MLLT1: variants seen among roughly 807,000 people sequenced by gnomAD.
The protein encoded by MLLT1 is protein ENL.
In MLLT1, 11 loss-of-function variants were observed where a neutral mutation model predicts 55.1. That is an observed-to-expected ratio of 0.20 (90% CI 0.13 to 0.33). The LOEUF is 0.33. Among genes scored for constraint, MLLT1 ranks in the 10% least tolerant of loss-of-function variants. The pLI is 1.00. For missense variants in MLLT1, 536 were observed against 760.6 expected (o/e 0.70, Z 3.47); for synonymous variants, 323 against 320.1 (o/e 1.01, Z -0.10).
chr19:6,212,536 G>A lies in MLLT1; in HGVS notation c.*506C>T, dbSNP rs924064359. 31 of 1,079,662 alleles carry A rather than the reference G, an allele frequency of 2.9e-5. No individual in the cohort carries two copies. The East Asian group carries it at 3.9e-4, about 14-fold the overall frequency. The allele number at this position is 1,079,662 out of a possible 1,614,324, so 66.9% of individuals were successfully genotyped here. A position where few individuals can be genotyped will look rare whatever the true frequency, so the allele number is the denominator to read the frequency against. On this transcript the variant is annotated 3_prime_UTR_variant, in exon 12 of 12. Coordinates refer to ENST00000252674, the MANE Select transcript of MLLT1 (RefSeq NM_005934.4). ...CACAGACCCCAGCGCAGCGCGAGCCGGGGAGGAGCCGGCGCTAGGTCTACA... is the reference window on the plus strand; with the variant it reads ...CACAGACCCCAGCGCAGCGCGAGCCAGGGAGGAGCCGGCGCTAGGTCTACA...
At chr19:6,214,091 C>G (rs2090812429) in intron 8 of MLLT1, 53 bp from the exon 9 acceptor site, 2 of 1,181,148 alleles carry the variant, frequency 1.7e-6, no homozygotes, top group Non-Finnish European at 2.2e-6. Context: ...ACGGCCCCCA[C>G]CCCACCCCCA....
In MLLT1 at chr19:6,211,903, C is replaced by T. The variant is rs999250648; in HGVS notation, c.*1139G>A. On this transcript the variant is annotated 3_prime_UTR_variant, in exon 12 of 12. Transcript: ENST00000252674. This position sits in a 1 kb window ranked among gnomAD's most constrained non-coding sequence, Gnocchi z 4.6. ...TGAATTGCGGCGGTGGAGGCCGGGG[C>T]GGGCCAGGCCGCGACCAGAGAGAAA... The T allele has an allele frequency of 1.9e-6, 2 of 1,064,406 alleles. No homozygotes were observed. Among genetic ancestry groups the T allele is most frequent in the Non-Finnish European group, 2.3e-6 (2 of 878,706 alleles). 65.9% of individuals were successfully genotyped at this position (1,064,406 alleles called of 1,614,324 possible).
chr19:6,272,592 T>G (rs1397420670), intron 1 of MLLT1, among the ~76,000 whole-genome samples: 6 of 152,220 alleles, frequency 3.9e-5, no homozygotes, highest in Admixed American at 3.3e-4. Context: ...CCCCCGCTCC[T>G]GGGTTGCTGA....
At chr19:6,243,801 TG>T (rs774449226) in intron 3 of MLLT1, among the ~76,000 whole-genome samples, 7 of 152,012 alleles carry the variant, frequency 4.6e-5, no homozygotes, top group Non-Finnish European at 7.4e-5. Flanking sequence ...CCCAGCACTT[TG>T]GGAGACCGAG....
chr19:6,220,642 G>A (rs1053659237), intron 6 of MLLT1, among the ~76,000 whole-genome samples: 17 of 152,222 alleles, frequency 1.1e-4, no homozygotes, highest in African/African-American at 4.1e-4. Context: ...CTGCCTTGCC[G>A]CTGCCCAGCG....
intron 3 of MLLT1, among the ~76,000 whole-genome samples, chr19:6,248,546 GTCT>G (rs2091187763): frequency 6.6e-6 from 1 of 152,192 alleles, no homozygotes; most frequent in Admixed American, 6.5e-5. Context: ...TACCTCTGTG[GTCT>G]TCTTATGGAA....
intron 3 of MLLT1, among the ~76,000 whole-genome samples, chr19:6,233,278 C>T (rs1484187982): frequency 4.6e-5 from 7 of 152,192 alleles, no homozygotes; most frequent in African/African-American, 1.2e-4. Context: ...CTCCTGCGGC[C>T]GCCCAGGAGT....
rs910521334 is a variant in MLLT1, at chr19:6,262,895, A to C, written c.194-585T>G. Among the ~76,000 whole-genome samples, 1 of 152,070 alleles carries C rather than the reference A, an allele frequency of 6.6e-6. No individual in the cohort carries two copies. Among genetic ancestry groups the C allele is most frequent in the Non-Finnish European group, 1.5e-5 (1 of 68,002 alleles). ...TTGACCCCAGAGATTAAAAAAGAAA[A>C]AAAAAAGGCCGGACACGGTGGCTCA... is the stretch of plus-strand genomic sequence containing the variant. On this transcript the variant is annotated intron_variant, in intron 2 of 11. Transcript: ENST00000252674. The surrounding 1 kb of genome is among the most constrained non-coding windows in gnomAD (Gnocchi z 4.4).
intron 8 of MLLT1, among the ~76,000 whole-genome samples, chr19:6,215,834 G>C (rs1453942174): frequency 6.6e-6 from 1 of 152,194 alleles, no homozygotes; most frequent in East Asian, 1.9e-4. Context: ...CGCTGGGTTG[G>C]AGGCCGAGCG....
Position 6,210,488 on chromosome 19 carries a change from G to A in MLLT1, c.*2554C>T, listed in dbSNP as rs1326911041. The stretch of plus-strand genomic sequence containing the variant: ...CAGGAAAGAAACAATCCTGTAACTC[G>A]TTACAAACACGATTCTCCTTATTCC... On this transcript the variant is annotated 3_prime_UTR_variant, in exon 12 of 12. Transcript: ENST00000252674. The surrounding 1 kb of genome is among the most constrained non-coding windows in gnomAD (Gnocchi z 4.6). The A allele has an allele frequency of 2.4e-5, 5 of 208,142 alleles. No homozygotes were observed. The highest frequency in any genetic ancestry group is 3.9e-5 in the Non-Finnish European group (4 of 102,030). The allele number at this position is 208,142 out of a possible 1,614,324, so 12.9% of individuals were successfully genotyped here. A position where few individuals can be genotyped will look rare whatever the true frequency, so the allele number is the denominator to read the frequency against.
At chr19:6,225,223 C>A (rs2090944130) in intron 5 of MLLT1, among the ~76,000 whole-genome samples, 1 of 152,324 alleles carries the variant, frequency 6.6e-6, no homozygotes, top group South Asian at 2.1e-4. Flanking sequence ...GAAGTGGGGA[C>A]AAAACCCCAG....
chr19:6,273,292 G>T lies in MLLT1; in HGVS notation c.13-2533C>A, dbSNP rs2091408897. On this transcript the variant is annotated intron_variant, in intron 1 of 11. Transcript: ENST00000252674. The surrounding 1 kb of genome is among the most constrained non-coding windows in gnomAD (Gnocchi z 4.3). ...GTGGCTGGAAAAAGGGGTGAACACA[G>T]CCCAAAGCCACAGAACTGACAGGAC... Among the ~76,000 whole-genome samples, 1 of 152,140 alleles carries T rather than the reference G, an allele frequency of 6.6e-6. No individual in the cohort carries two copies. The highest frequency in any genetic ancestry group is 1.5e-5 in the Non-Finnish European group (1 of 68,024).
rs2090773367 is a variant in MLLT1 at position 6,211,661 on chromosome 19, A to G, written c.*1381T>C. ...GGCACAAGGACTTGAAAGGACTTGA[A>G]AGTCAGGGGGTTGAGAGGACTGGAG... is the stretch of plus-strand genomic sequence containing the variant. On this transcript the variant is annotated 3_prime_UTR_variant, in exon 12 of 12. Coordinates refer to ENST00000252674, the MANE Select transcript of MLLT1 (RefSeq NM_005934.4). This position sits in a 1 kb window ranked among gnomAD's most constrained non-coding sequence, Gnocchi z 4.6. 2.0e-5 allele frequency: 21 copies of G among 1,064,398 alleles called. No individual in the cohort carries two copies. Among genetic ancestry groups the G allele is most frequent in the Non-Finnish European group, 2.2e-5 (19 of 878,726 alleles). 65.9% of individuals were successfully genotyped at this position (1,064,398 alleles called of 1,614,324 possible).
rs1438816341 is a variant in MLLT1, at chr19:6,219,271, T to C, written c.1111-1230A>G. Among the ~76,000 whole-genome samples, 2 of 152,044 alleles carry C rather than the reference T, an allele frequency of 1.3e-5. No individual in the cohort carries two copies. The highest frequency in any genetic ancestry group is 4.8e-5 in the African/African-American group (2 of 41,392). On this transcript the variant is annotated intron_variant, in intron 6 of 11. Coordinates refer to ENST00000252674, the MANE Select transcript of MLLT1 (RefSeq NM_005934.4). This position sits in a 1 kb window ranked among gnomAD's most constrained non-coding sequence, Gnocchi z 4.5. ...CCCTCCTGCCCCTCAAACCAGCCCC[T>C]GCCAGCGCCCCTTCCCACCAACACA...
At position 6,226,580 on chromosome 19, in the gene MLLT1, C is replaced by A. The variant is rs1357361206; in HGVS notation, c.546+397G>T. The stretch of plus-strand genomic sequence containing the variant: ...GGCATAGCCAAGGGCAGAAGTAGCC[C>A]CAGCTGCCCTCAGGAGGGTTGAAGA... On this transcript the variant is annotated intron_variant, in intron 5 of 11. Coordinates refer to ENST00000252674, the MANE Select transcript of MLLT1 (RefSeq NM_005934.4). This position sits in a 1 kb window ranked among gnomAD's most constrained non-coding sequence, Gnocchi z 6.3. Among the ~76,000 whole-genome samples, 1 of 152,162 alleles carries A rather than the reference C, an allele frequency of 6.6e-6. No individual in the cohort carries two copies. The highest frequency in any genetic ancestry group is 1.5e-5 in the Non-Finnish European group (1 of 68,034).
At chr19:6,261,718 T>C (rs538028005) in intron 3 of MLLT1, among the ~76,000 whole-genome samples, 1 of 151,874 alleles carries the variant, frequency 6.6e-6, no homozygotes, top group East Asian at 1.9e-4. Context: ...ACCACCCAGA[T>C]GACCCGCGCC....
intron 3 of MLLT1, among the ~76,000 whole-genome samples, chr19:6,251,517 C>T (rs1028607323): frequency 6.6e-6 from 1 of 152,090 alleles, no homozygotes; most frequent in Admixed American, 6.5e-5. Context: ...AACACACATC[C>T]ACATATGTGC....
intron 9 of MLLT1, 58 bp from the exon 10 acceptor site, chr19:6,213,855 G>T: frequency 6.3e-7 from 1 of 1,591,152 alleles, no homozygotes; most frequent in Non-Finnish European, 8.6e-7. Flanking sequence ...AGCCCCGAAG[G>T]CCCCACAAAC....
chr19:6,246,292 C>T lies in MLLT1; in HGVS notation c.277-15579G>A, dbSNP rs1457590099. On this transcript the variant is annotated intron_variant, in intron 3 of 11. Coordinates refer to ENST00000252674, the MANE Select transcript of MLLT1 (RefSeq NM_005934.4). ...GACCTAGCAATCTCCACTCATTTAC[C>T]CAAATGAACTGAAAACGTGGTCACA... Among the ~76,000 whole-genome samples the T allele has an allele frequency of 2.6e-5, 4 of 152,162 alleles. No individual in the cohort carries two copies. The East Asian group carries it at 5.8e-4, about 22-fold the overall frequency.
Sources: gnomAD v4.1 joint callset for allele counts (sites outside exome capture counted in the v4.1 genomes callset) on GRCh38, gnomAD v4.1.1 for gene constraint, Gnocchi (gnomAD v3.1) non-coding constraint, MANE v1.5 for transcripts, NCBI Gene and HGNC (gene_info 2026-07-23, HGNC 2026-07-21) for gene names.